ADGRA3: variants seen among roughly 807,000 people sequenced by gnomAD.
The protein encoded by ADGRA3 is G-protein coupled receptor 125.
ADGRA3 carries 56 observed loss-of-function variants against 119.8 expected under a neutral mutation model. That is an observed-to-expected ratio of 0.47 (90% confidence interval 0.38 to 0.58). ADGRA3 has a LOEUF of 0.58. Among genes scored for constraint, ADGRA3 ranks in the 20% least tolerant of loss-of-function variants. The probability of loss-of-function intolerance (pLI) is 0.00; values close to 1 mark genes in which losing one functional copy is unlikely to be tolerated. For missense variants in ADGRA3, 1,516 were observed against 1,649.0 expected, an observed-to-expected ratio of 0.92 and a Z score of 1.40; for synonymous variants, 607 against 623.8, an observed-to-expected ratio of 0.97 and a Z score of 0.40.
intron 12 of ADGRA3, among the ~76,000 whole-genome samples, chr4:22,417,680 G>GT (rs752760538): frequency 1.3e-5 from 2 of 152,102 alleles, no homozygotes; most frequent in Non-Finnish European, 2.9e-5. Context: ...CTCCACCACT[G>GT]TATCACCTTA....
In ADGRA3 at chr4:22,516,028, G is replaced by GCCTCCT. The variant is rs534558679; in HGVS notation, c.-250_-245dup. The GCCTCCT allele has an allele frequency of 0.011, 1,669 of 157,908 alleles. 26 individuals carry two copies. The highest frequency in any genetic ancestry group is 0.058 in the East Asian group (301 of 5,212). The allele number at this position is 157,908 out of a possible 1,614,324, so 9.8% of individuals were successfully genotyped here. A position where few individuals can be genotyped will look rare whatever the true frequency, so the allele number is the denominator to read the frequency against. On this transcript the variant is annotated 5_prime_UTR_variant, in exon 1 of 19. Transcript: ENST00000334304. ...CGCTCTACCGCCCGGCGCGAGCACC[G>GCCTCCT]CCTCCTCCTCCTCCTCTGCCGCCGC... is the stretch of plus-strand genomic sequence containing the variant.
chr4:22,436,685 G>T (rs771030669), intron 8 of ADGRA3, 44 bp from the exon 9 acceptor site: 1 of 1,502,818 alleles, frequency 6.7e-7, no homozygotes, highest in Non-Finnish European at 9.2e-7. Flanking sequence ...TAAATGACAC[G>T]GGTACATCAA....
chr4:22,455,876 C>T (rs1159497670), intron 3 of ADGRA3: 19 of 1,220,256 alleles, frequency 1.6e-5, no homozygotes, highest in Non-Finnish European at 2.0e-5. Context: ...AACCCTAAAA[C>T]AATGAATCTT....
chr4:22,448,104 T>A (rs931142979), intron 4 of ADGRA3, among the ~76,000 whole-genome samples: 4 of 152,074 alleles, frequency 2.6e-5, no homozygotes, highest in African/African-American at 7.2e-5. Flanking sequence ...TCTCGCAGCG[T>A]TTTGAATGAA....
intron 2 of ADGRA3, among the ~76,000 whole-genome samples, chr4:22,465,101 A>G (rs746754163): frequency 6.6e-6 from 1 of 152,212 alleles, no homozygotes. Flanking sequence ...AACTTCTACA[A>G]TGAGTGAAGG....
At position 22,435,378 on chromosome 4, in the gene ADGRA3, T is replaced by C. The variant is rs775331061; in HGVS notation, c.1376A>G (p.Asp459Gly). The C allele has an allele frequency of 1.2e-6, 2 of 1,613,388 alleles. No individual in the cohort carries two copies. The highest frequency in any genetic ancestry group is 2.2e-5 in the East Asian group (1 of 44,874). The change falls in exon 10 of 19, where the codon GAT (aspartate) becomes GGT (glycine). Residue 459 changes from aspartate (D) to glycine (G), a missense_variant. Asp to Gly is a moderately conservative substitution (Grantham distance 94). Transcript: ENST00000334304. ...VEAANFSDKM[D>G]VIFVAEMIEK... ...AATCATTTCTGCCACAAATATAACATCCATTTTGTCAGAAAAGTTGGCTGC... is the reference window on the plus strand; with the variant it reads ...AATCATTTCTGCCACAAATATAACACCCATTTTGTCAGAAAAGTTGGCTGC...
At chr4:22,440,591 C>CT (rs139789425) in intron 7 of ADGRA3, among the ~76,000 whole-genome samples, 1 of 152,036 alleles carries the variant, frequency 6.6e-6, no homozygotes, top group Non-Finnish European at 1.5e-5. Flanking sequence ...TTAGAATTAA[C>CT]TTTTTTTGCA....
At chr4:22,513,874 A>C (rs909370301) in intron 1 of ADGRA3, among the ~76,000 whole-genome samples, 1 of 145,836 alleles carries the variant, frequency 6.9e-6, no homozygotes, top group South Asian at 2.2e-4. Context: ...AAAAAAAAAA[A>C]CTGGATTGAA....
At chr4:22,468,772 A>G (rs2109113239) in intron 2 of ADGRA3, among the ~76,000 whole-genome samples, 2 of 151,904 alleles carry the variant, frequency 1.3e-5, no homozygotes, top group East Asian at 1.9e-4. Flanking sequence ...CTGTCTCAAA[A>G]AAAAAAAAAA....
intron 2 of ADGRA3, among the ~76,000 whole-genome samples, chr4:22,465,003 G>T (rs905999061): frequency 6.6e-6 from 1 of 152,174 alleles, no homozygotes; most frequent in Non-Finnish European, 1.5e-5. Flanking sequence ...CGGTACCCAG[G>T]CCAAGCAGAG....
intron 14 of ADGRA3, among the ~76,000 whole-genome samples, chr4:22,411,911 A>G (rs1366424136): frequency 6.6e-6 from 1 of 151,976 alleles, no homozygotes; most frequent in Non-Finnish European, 1.5e-5. Flanking sequence ...TGCTTGCTTG[A>G]CCTGTGTACC....
intron 10 of ADGRA3, among the ~76,000 whole-genome samples, chr4:22,425,751 G>C (rs962377073): frequency 1.3e-5 from 2 of 152,182 alleles, no homozygotes; most frequent in African/African-American, 4.8e-5. Context: ...TTCACACAAC[G>C]TATAATTATG....
chr4:22,508,420 G>T (rs1277863658), intron 1 of ADGRA3, among the ~76,000 whole-genome samples: 1 of 152,166 alleles, frequency 6.6e-6, no homozygotes, highest in Non-Finnish European at 1.5e-5. Context: ...TTGGATGAAA[G>T]CATCATGTCT....
At position 22,504,811 on chromosome 4, in the gene ADGRA3, G is replaced by C. The variant is rs139018792; in HGVS notation, c.257+10717C>G. The stretch of plus-strand genomic sequence containing the variant: ...CAGGTCGCTGGGCTACTAAGCAGCA[G>C]GTTCTCAACCCAAGTGTTACCAGAA... On this transcript the variant is annotated intron_variant, in intron 1 of 18. Transcript: ENST00000334304. Among the ~76,000 whole-genome samples the C allele has an allele frequency of 4.8e-4, 73 of 152,044 alleles. No individual in the cohort carries two copies. In the East Asian group the frequency reaches 0.014, roughly 29 times the overall value.
intron 15 of ADGRA3, among the ~76,000 whole-genome samples, 169 bp from the exon 16 acceptor site, chr4:22,401,723 A>G (rs1227771691): frequency 6.6e-6 from 1 of 152,032 alleles, no homozygotes; most frequent in East Asian, 1.9e-4. Context: ...ACACGCACAG[A>G]TCTGAGACAT....
At chr4:22,444,854 AT>A in intron 6 of ADGRA3, 118 bp downstream of exon 6, 2 of 950,264 alleles carry the variant, frequency 2.1e-6, no homozygotes, top group Non-Finnish European at 3.2e-6. Context: ...ATCCATAATG[AT>A]TACTGGCTGC....
intron 10 of ADGRA3, among the ~76,000 whole-genome samples, chr4:22,432,625 C>T (rs77469867): frequency 0.028 from 4,325 of 152,154 alleles, 202 homozygotes; most frequent in African/African-American, 0.091. Flanking sequence ...TTTAACTTTC[C>T]CATCTTATAA....
At chr4:22,417,744 T>A (rs577804570) in intron 12 of ADGRA3, among the ~76,000 whole-genome samples, 2 of 152,138 alleles carry the variant, frequency 1.3e-5, no homozygotes, top group Non-Finnish European at 2.9e-5. Context: ...CAATGGTTAA[T>A]TCTGTCTGAA....
chr4:22,401,237 G>A (rs981835258), intron 16 of ADGRA3, among the ~76,000 whole-genome samples, 194 bp downstream of exon 16: 1 of 152,156 alleles, frequency 6.6e-6, no homozygotes, highest in Admixed American at 6.5e-5. Context: ...AGCTGTTTAA[G>A]TTATATATTC....
Sources: gnomAD v4.1 joint callset for allele counts (sites outside exome capture counted in the v4.1 genomes callset) on GRCh38, gnomAD v4.1.1 for gene constraint, MANE v1.5 for transcripts, NCBI Gene and HGNC (gene_info 2026-07-23, HGNC 2026-07-21) for gene names.